SPAG9: variants seen among roughly 807,000 people sequenced by gnomAD.
SPAG9 encodes C-Jun-amino-terminal kinase-interacting protein 4.
A neutral mutation model predicts 166.5 loss-of-function variants in SPAG9; 35 were observed. The observed-to-expected ratio is 0.21, with a 90% CI of 0.16 to 0.28. The LOEUF is 0.28. Among genes scored for constraint, SPAG9 ranks in the 10% least tolerant of loss-of-function variants. The probability of loss-of-function intolerance (pLI) is 1.00; values close to 1 mark genes in which losing one functional copy is unlikely to be tolerated. For missense variants in SPAG9, 1,235 were observed against 1,603.3 expected, an observed-to-expected ratio of 0.77 and a Z score of 3.92; for synonymous variants, 534 against 565.5, an observed-to-expected ratio of 0.94 and a Z score of 0.79.
rs1176093289 is a variant in SPAG9, at chr17:51,120,706, G to A, written c.-50C>T. The stretch of plus-strand genomic sequence containing the variant: ...CCCGGGGCGTCGCCGGCAGAGGGGC[G>A]GCACCTGCCCGCACGGGACGGACCC... On this transcript the variant is annotated 5_prime_UTR_variant, in exon 1 of 30. Transcript: ENST00000262013. This position sits in a 1 kb window ranked among gnomAD's most constrained non-coding sequence, Gnocchi z 4.7. 6.7e-6 allele frequency: 10 copies of A among 1,481,754 alleles called. No homozygotes were observed. The highest frequency in any genetic ancestry group is 2.2e-4 in the Middle Eastern group (1 of 4,650). The allele number at this position is 1,481,754 out of a possible 1,614,324, so 91.8% of individuals were successfully genotyped here.
chr17:51,120,676 G>T lies in SPAG9; in HGVS notation c.-20C>A. Reference sequence around the variant, plus strand: ...CTCCATGGTGGCAAGCGGACGGGCGGGCGGCCCGGGGCGTCGCCGGCAGAG... The same window carrying T: ...CTCCATGGTGGCAAGCGGACGGGCGTGCGGCCCGGGGCGTCGCCGGCAGAG... On this transcript the variant is annotated 5_prime_UTR_variant, in exon 1 of 30. Coordinates refer to ENST00000262013, the MANE Select transcript of SPAG9 (RefSeq NM_001130528.3). This position sits in a 1 kb window ranked among gnomAD's most constrained non-coding sequence, Gnocchi z 4.7. 6.5e-7 allele frequency: 1 copy of T among 1,545,672 alleles called. No homozygotes were observed.
intron 9 of SPAG9, chr17:51,007,953 C>A: frequency 2.9e-6 from 1 of 350,314 alleles, no homozygotes; most frequent in Non-Finnish European, 5.7e-6. Flanking sequence ...AAGTTTTATA[C>A]ATGATATGAA....
At chr17:50,977,380 G>C (rs1329747898) in intron 26 of SPAG9, among the ~76,000 whole-genome samples, 159 bp from the exon 27 acceptor site, 1 of 152,144 alleles carries the variant, frequency 6.6e-6, no homozygotes, top group African/African-American at 2.4e-5. Flanking sequence ...ACTAGAGCTA[G>C]ATGGATGTTT....
intron 3 of SPAG9, 137 bp from the exon 4 acceptor site, chr17:51,047,606 A>C (rs536556923): frequency 5.0e-6 from 2 of 403,872 alleles, no homozygotes; most frequent in South Asian, 9.7e-5. Flanking sequence ...GAGAATATTA[A>C]GGAATGAAAA....
At chr17:51,045,115 T>A (rs952849350) in intron 4 of SPAG9, among the ~76,000 whole-genome samples, 2 of 152,160 alleles carry the variant, frequency 1.3e-5, no homozygotes, top group Non-Finnish European at 2.9e-5. Context: ...GCAGAGAGAT[T>A]AAGCAACTTG....
At chr17:50,995,320 T>C in intron 17 of SPAG9, 96 bp from the exon 18 acceptor site, 1 of 1,304,258 alleles carries the variant, frequency 7.7e-7, no homozygotes, top group Non-Finnish European at 1.1e-6. Context: ...ACAGGTCTTA[T>C]AACCTAATAT....
intron 10 of SPAG9, 87 bp from the exon 11 acceptor site, chr17:51,006,324 C>T (rs2080236254): frequency 8.0e-7 from 1 of 1,245,220 alleles, no homozygotes; most frequent in South Asian, 1.4e-5. Flanking sequence ...AACTGTACAA[C>T]CATAGACAAT....
intron 8 of SPAG9, 47 bp downstream of exon 8, chr17:51,020,112 T>TG: frequency 9.0e-7 from 1 of 1,114,990 alleles, no homozygotes; most frequent in Non-Finnish European, 1.4e-6. Context: ...TTATGGGAGT[T>TG]GGGGGTGGGG....
intron 9 of SPAG9, among the ~76,000 whole-genome samples, chr17:51,008,173 T>A (rs2045305908): frequency 6.6e-6 from 1 of 152,170 alleles, no homozygotes; most frequent in African/African-American, 2.4e-5. Context: ...AAAATAATAA[T>A]GTTCAGTTAT....
At position 51,001,697 on chromosome 17, in the gene SPAG9, A is replaced by G; in HGVS notation, c.1607+18T>C. The G allele has an allele frequency of 6.3e-7, 1 of 1,596,462 alleles. No individual in the cohort carries two copies. Among genetic ancestry groups the G allele is most frequent in the Non-Finnish European group, 8.5e-7 (1 of 1,175,490 alleles). On this transcript the variant is annotated intron_variant, in intron 13 of 29. Coordinates refer to ENST00000262013, the MANE Select transcript of SPAG9 (RefSeq NM_001130528.3). Reference sequence around the variant, plus strand: ...CAAAATAATAGTAGGAAAATAATGGAGCGCTTGTCATACAAACCGAATCAT... The same window carrying G: ...CAAAATAATAGTAGGAAAATAATGGGGCGCTTGTCATACAAACCGAATCAT...
intron 28 of SPAG9, among the ~76,000 whole-genome samples, chr17:50,974,354 G>C (rs1426974138): frequency 6.6e-6 from 1 of 152,148 alleles, no homozygotes; most frequent in African/African-American, 2.4e-5. Context: ...CAGACCCCCA[G>C]GCCTCCTAGT....
intron 28 of SPAG9, among the ~76,000 whole-genome samples, chr17:50,973,993 T>C (rs1268361060): frequency 6.6e-6 from 1 of 152,178 alleles, no homozygotes; most frequent in Non-Finnish European, 1.5e-5. Context: ...GAACCCTGAC[T>C]AATATACTAC....
chr17:51,111,703 A>G (rs72826442), intron 1 of SPAG9, among the ~76,000 whole-genome samples: 10,830 of 152,190 alleles, frequency 0.071, 406 homozygotes, highest in Non-Finnish European at 0.09. Context: ...CCCAGGTACA[A>G]GTGATTTTCC....
chr17:51,075,698 C>G (rs554298484), intron 2 of SPAG9, among the ~76,000 whole-genome samples: 13 of 152,086 alleles, frequency 8.5e-5, no homozygotes, highest in Admixed American at 2.0e-4. Context: ...GTGGCTCATG[C>G]CTGTAGTTCC....
intron 15 of SPAG9, 47 bp from the exon 16 acceptor site, chr17:50,996,741 C>T (rs751298133): frequency 6.3e-6 from 10 of 1,586,068 alleles, no homozygotes; most frequent in South Asian, 3.4e-5. Flanking sequence ...CGTTTAATTA[C>T]GTTTATCCCC....
chr17:50,995,028 C>T, intron 18 of SPAG9, 29 bp downstream of exon 18: 1 of 1,568,600 alleles, frequency 6.4e-7, no homozygotes, highest in African/African-American at 1.4e-5. Flanking sequence ...GTCTCATAAA[C>T]CAGGTCAAAT....
Position 50,971,702 on chromosome 17 carries a change from T to C in SPAG9, c.3701-846A>G, listed in dbSNP as rs1973831464. On this transcript the variant is annotated intron_variant, in intron 28 of 29. Transcript: ENST00000262013. The stretch of plus-strand genomic sequence containing the variant: ...GTCTCAATCTCCTGACCTCATGATC[T>C]GCCTGCCTCGGCCTCCCAAAGTGCT... Among the ~76,000 whole-genome samples the C allele has an allele frequency of 2.0e-5, 3 of 152,186 alleles. No individual in the cohort carries two copies. In the South Asian group the frequency reaches 6.2e-4, roughly 32 times the overall value.
At chr17:51,104,700 G>A (rs1303736096) in intron 1 of SPAG9, among the ~76,000 whole-genome samples, 2 of 151,920 alleles carry the variant, frequency 1.3e-5, no homozygotes, top group African/African-American at 4.8e-5. Flanking sequence ...TTGGAAGGCC[G>A]AGGCGGGCGG....
At position 51,120,166 on chromosome 17, in the gene SPAG9, C is replaced by T. The variant is rs1358520163; in HGVS notation, c.303+188G>A. Among the ~76,000 whole-genome samples the T allele has an allele frequency of 1.3e-5, 2 of 152,228 alleles. No individual in the cohort carries two copies. The highest frequency in any genetic ancestry group is 1.9e-4 in the East Asian group (1 of 5,194). On this transcript the variant is annotated intron_variant, in intron 1 of 29. Transcript: ENST00000262013. This position sits in a 1 kb window ranked among gnomAD's most constrained non-coding sequence, Gnocchi z 4.7. ...CTTCCCAGGACACTCAGTAGCCGGC[C>T]TCGGCTTCCAACGCCGGCCTGGCTC...
Sources: gnomAD v4.1 joint callset for allele counts (sites outside exome capture counted in the v4.1 genomes callset) on GRCh38, gnomAD v4.1.1 for gene constraint, Gnocchi (gnomAD v3.1) non-coding constraint, MANE v1.5 for transcripts, NCBI Gene and HGNC (gene_info 2026-07-23, HGNC 2026-07-21) for gene names.